The following OPCML variants were observed in gnomAD, a reference collection of about 807,000 sequenced individuals.
OPCML encodes the protein opioid-binding protein/cell adhesion molecule.
Under a neutral mutation model 37.8 loss-of-function variants are expected in OPCML, and 13 were observed. That is an observed-to-expected ratio of 0.34 (90% CI 0.22 to 0.55). The LOEUF is 0.55. Ranked by LOEUF, OPCML falls within the 20% of genes least tolerant of loss-of-function variation. The pLI is 0.91. For synonymous variants in OPCML, 176 were observed against 168.8 expected, an observed-to-expected ratio of 1.04 and a Z score of -0.33; for missense variants, 341 against 435.6, an observed-to-expected ratio of 0.78 and a Z score of 1.93.
chr11:132,737,126 A>C (rs1194361028), intron 2 of OPCML, among the ~76,000 whole-genome samples: 2 of 152,154 alleles, frequency 1.3e-5, no homozygotes, highest in Admixed American at 6.6e-5. Context: ...AAATAAAAAG[A>C]ACAGACTGCC....
At chr11:132,920,309 A>G (rs184918684) in intron 2 of OPCML, among the ~76,000 whole-genome samples, 8 of 152,300 alleles carry the variant, frequency 5.3e-5, no homozygotes, top group Admixed American at 5.2e-4. Flanking sequence ...ACAAAGACAA[A>G]AGGAGACTCA....
intron 1 of OPCML, among the ~76,000 whole-genome samples, chr11:133,417,122 T>A (rs1490725794): frequency 6.6e-6 from 1 of 152,204 alleles, no homozygotes; most frequent in Admixed American, 6.5e-5. Flanking sequence ...TTCATCTACA[T>A]CCTCTGTAAT....
At chr11:132,609,004 T>C (rs1490954962) in intron 3 of OPCML, among the ~76,000 whole-genome samples, 1 of 152,180 alleles carries the variant, frequency 6.6e-6, no homozygotes, top group Non-Finnish European at 1.5e-5. Flanking sequence ...GGCTTCCAAC[T>C]GGTCTCTCTG....
At chr11:132,460,053 A>G (rs922653795) in intron 4 of OPCML, among the ~76,000 whole-genome samples, 16 of 152,148 alleles carry the variant, frequency 1.1e-4, no homozygotes, top group Admixed American at 5.2e-4. Flanking sequence ...CTGGCAACCA[A>G]ACAGTCTAAC....
chr11:132,505,671 G>T (rs1195815448), intron 4 of OPCML, among the ~76,000 whole-genome samples: 6 of 152,184 alleles, frequency 3.9e-5, no homozygotes, highest in African/African-American at 1.4e-4. Flanking sequence ...CATATCAGAT[G>T]TGAGGCTTCA....
chr11:133,282,452 C>A (rs1942184609), intron 1 of OPCML, among the ~76,000 whole-genome samples: 1 of 152,228 alleles, frequency 6.6e-6, no homozygotes, highest in Non-Finnish European at 1.5e-5. Flanking sequence ...GGAAGCCTGG[C>A]AGCTTCCTCC....
chr11:133,431,095 T>C (rs1345466047), intron 1 of OPCML, among the ~76,000 whole-genome samples: 1 of 152,228 alleles, frequency 6.6e-6, no homozygotes, highest in African/African-American at 2.4e-5. Flanking sequence ...AAACTAAGTA[T>C]CTTCATTGCA....
rs59136141 is a variant in OPCML at position 133,075,300 on chromosome 11, C to T, written c.62-132290G>A. On this transcript the variant is annotated intron_variant, in intron 1 of 7. Coordinates refer to ENST00000524381, the MANE Select transcript of OPCML (RefSeq NM_001012393.5). ...GCCTTTCATTCATTATGAGGCCAAA[C>T]GGGAGCCATGTTTCTCCAAAGACAA... Among the ~76,000 whole-genome samples the T allele has an allele frequency of 9.4e-3, 1,436 of 152,298 alleles. 8 individuals are homozygous for T. The highest frequency in any genetic ancestry group is 0.02 in the African/African-American group (832 of 41,570).
chr11:133,053,433 G>T (rs566127909), intron 1 of OPCML, among the ~76,000 whole-genome samples: 2 of 152,216 alleles, frequency 1.3e-5, no homozygotes, highest in South Asian at 4.2e-4. Flanking sequence ...CTTCGTAAAA[G>T]ATCACATATG....
At chr11:132,687,453 T>C (rs1428702343) in intron 2 of OPCML, among the ~76,000 whole-genome samples, 1 of 138,610 alleles carries the variant, frequency 7.2e-6, no homozygotes, top group African/African-American at 2.6e-5. Context: ...CAAGAAGTGC[T>C]GTAGCATTGA....
chr11:133,133,573 C>A (rs576669342), intron 1 of OPCML, among the ~76,000 whole-genome samples: 1 of 152,122 alleles, frequency 6.6e-6, no homozygotes, highest in African/African-American at 2.4e-5. Flanking sequence ...CCTCGGAAAA[C>A]GTGTCCCTTA....
intron 3 of OPCML, among the ~76,000 whole-genome samples, chr11:132,602,013 A>T (rs1186366396): frequency 6.6e-6 from 1 of 152,150 alleles, no homozygotes; most frequent in Non-Finnish European, 1.5e-5. Flanking sequence ...TCAAAAAGAC[A>T]CTGTTCTCAC....
chr11:133,000,357 C>T (rs570703785), intron 1 of OPCML, among the ~76,000 whole-genome samples: 16 of 152,334 alleles, frequency 1.1e-4, no homozygotes, highest in Admixed American at 8.5e-4. Flanking sequence ...AAGCGTTCAG[C>T]CTGCCTCGGC....
chr11:132,960,785 C>A (rs910672053), intron 1 of OPCML, among the ~76,000 whole-genome samples: 1 of 152,186 alleles, frequency 6.6e-6, no homozygotes. Flanking sequence ...ACTGTTTTAC[C>A]GACAATTCCC....
chr11:132,949,687 T>C (rs993376155), intron 1 of OPCML, among the ~76,000 whole-genome samples: 1 of 152,258 alleles, frequency 6.6e-6, no homozygotes, highest in Admixed American at 6.5e-5. Context: ...TATTCATTTA[T>C]GAATTTATTT....
intron 1 of OPCML, among the ~76,000 whole-genome samples, chr11:133,381,931 G>A (rs1944938594): frequency 6.6e-6 from 1 of 152,180 alleles, no homozygotes; most frequent in Non-Finnish European, 1.5e-5. Context: ...GTCCCTCTGA[G>A]GCCAGCCTGG....
At chr11:132,511,823 G>A (rs909360155) in intron 4 of OPCML, among the ~76,000 whole-genome samples, 1 of 151,498 alleles carries the variant, frequency 6.6e-6, no homozygotes, top group South Asian at 2.1e-4. Context: ...AGAATATAAC[G>A]TTTTTAACCT....
chr11:133,168,197 T>C (rs1302465249), intron 1 of OPCML, among the ~76,000 whole-genome samples: 1 of 152,164 alleles, frequency 6.6e-6, no homozygotes, highest in Non-Finnish European at 1.5e-5. Flanking sequence ...ACCAGTGAAA[T>C]GCCTCCCCGA....
intron 3 of OPCML, among the ~76,000 whole-genome samples, chr11:132,575,665 C>T (rs1403241480): frequency 6.6e-6 from 1 of 150,734 alleles, no homozygotes; most frequent in Non-Finnish European, 1.5e-5. Context: ...GTGACTTACT[C>T]ACTACCATTA....
Sources: allele counts gnomAD v4.1 joint callset (sites outside exome capture counted in the v4.1 genomes callset), GRCh38; gene constraint gnomAD v4.1.1; transcripts MANE v1.5; gene names NCBI Gene and HGNC (gene_info 2026-07-23, HGNC 2026-07-21).